Variants in CDC42BPB observed in about 807,000 individuals in gnomAD.
The protein encoded by CDC42BPB is CDC42 binding protein kinase beta.
CDC42BPB carries 37 observed loss-of-function variants against 214.9 expected under a neutral mutation model. The observed-to-expected ratio is 0.17, with a 90% CI of 0.13 to 0.23. The LOEUF (loss-of-function observed/expected upper bound fraction) is 0.23. Among genes scored for constraint, CDC42BPB ranks in the 10% least tolerant of loss-of-function variants. CDC42BPB has a pLI of 1.00. For synonymous variants in CDC42BPB, 931 were observed against 884.0 expected, an observed-to-expected ratio of 1.05 and a Z score of -0.94; for missense variants, 1,694 against 2,227.0, an observed-to-expected ratio of 0.76 and a Z score of 4.82.
intron 1 of CDC42BPB, among the ~76,000 whole-genome samples, chr14:103,017,842 C>T (rs1055296447): frequency 2.6e-5 from 4 of 152,228 alleles, no homozygotes; most frequent in African/African-American, 9.6e-5. Flanking sequence ...TCAGTGGAAT[C>T]TGAAGGTTAG....
chr14:102,945,032 G>C, intron 29 of CDC42BPB: 2 of 306,934 alleles, frequency 6.5e-6, no homozygotes, highest in Non-Finnish European at 6.5e-6. Context: ...CGGCCCCCAG[G>C]CTAACCCAAG....
intron 9 of CDC42BPB, 141 bp downstream of exon 9, chr14:102,977,985 C>T (rs1419452256): frequency 4.7e-6 from 3 of 639,264 alleles, no homozygotes; most frequent in Non-Finnish European, 8.4e-6. Flanking sequence ...AGACCAAAAA[C>T]CCATCTCCAT....
intron 20 of CDC42BPB, among the ~76,000 whole-genome samples, chr14:102,962,253 G>A (rs2139435278): frequency 6.6e-6 from 1 of 152,342 alleles, no homozygotes; most frequent in South Asian, 2.1e-4. Flanking sequence ...TCAGCATGCA[G>A]CAAGAGTGTA....
chr14:102,949,612 A>G (rs1425664025), intron 26 of CDC42BPB, among the ~76,000 whole-genome samples, 153 bp downstream of exon 26: 1 of 152,188 alleles, frequency 6.6e-6, no homozygotes, highest in Non-Finnish European at 1.5e-5. Flanking sequence ...GCCTGAAGTC[A>G]TGACTAAGCT....
chr14:103,045,109 G>C (rs1364578472), intron 1 of CDC42BPB, among the ~76,000 whole-genome samples: 3 of 152,092 alleles, frequency 2.0e-5, no homozygotes, highest in Non-Finnish European at 2.9e-5. Flanking sequence ...TAAACAAAGT[G>C]ATAGACTGAA....
chr14:103,028,858 AAAAC>A, intron 1 of CDC42BPB, among the ~76,000 whole-genome samples: 1 of 152,362 alleles, frequency 6.6e-6, no homozygotes, highest in Middle Eastern at 3.4e-3. Context: ...AGTGACAAGA[AAAAC>A]AAATTCATGC....
At chr14:102,968,899 G>A (rs1350088058) in intron 14 of CDC42BPB, 183 bp from the exon 15 acceptor site, 4 of 985,382 alleles carry the variant, frequency 4.1e-6, no homozygotes, top group Non-Finnish European at 1.2e-6. Context: ...GTCACAGCAG[G>A]AGACGGCCTT....
At position 103,010,336 on chromosome 14, in the gene CDC42BPB, CTT is replaced by C. The variant is rs747602371; in HGVS notation, c.267+1759_267+1760del. ...CCCATCCTGGCCTGTGGTAAATTGA[CTT>C]TGGCTGGTGAGGCCTGGATCCAGGG... On this transcript the variant is annotated intron_variant, in intron 2 of 36. Coordinates refer to ENST00000361246, the MANE Select transcript of CDC42BPB (RefSeq NM_006035.4). 1.2e-3 allele frequency among the ~76,000 whole-genome samples: 187 copies of C among 152,246 alleles called. 1 individual carries two copies. The highest frequency in any genetic ancestry group is 0.01 in the Middle Eastern group (3 of 294).
At chr14:103,029,813 C>T (rs1250822507) in intron 1 of CDC42BPB, among the ~76,000 whole-genome samples, 2 of 135,032 alleles carry the variant, frequency 1.5e-5, no homozygotes, top group Non-Finnish European at 3.1e-5. Context: ...GAGCCGAGAT[C>T]GCGCCACTGC....
chr14:102,933,854 G>C lies in CDC42BPB; in HGVS notation c.5005-11C>G, dbSNP rs776322004. ...GGAGTCCGAATCAGGCTGTGAACAG[G>C]AAGAGGGCAGGGTGAGCACCCGCTG... On this transcript the variant is annotated splice_polypyrimidine_tract_variant and intron_variant, in intron 36 of 36. Transcript: ENST00000361246. The C allele has an allele frequency of 2.6e-6, 4 of 1,515,456 alleles. No individual in the cohort carries two copies. The highest frequency in any genetic ancestry group is 3.5e-6 in the Non-Finnish European group (4 of 1,138,904). 93.9% of individuals were successfully genotyped at this position (1,515,456 alleles called of 1,614,324 possible). A position where few individuals can be genotyped will look rare whatever the true frequency, so the allele number is the denominator to read the frequency against.
intron 3 of CDC42BPB, among the ~76,000 whole-genome samples, chr14:103,005,028 T>G (rs546884151): frequency 6.6e-6 from 1 of 150,908 alleles, no homozygotes; most frequent in African/African-American, 2.4e-5. Flanking sequence ...ATTAGCTGGG[T>G]GTGGTGGTGG....
chr14:102,938,965 C>T (rs926758184), intron 34 of CDC42BPB, among the ~76,000 whole-genome samples: 2 of 148,346 alleles, frequency 1.3e-5, no homozygotes, highest in Admixed American at 1.4e-4. Flanking sequence ...GAGACGGAGT[C>T]TTGCTCTGTC....
chr14:102,972,052 A>T lies in CDC42BPB; in HGVS notation c.1751T>A (p.Met584Lys). ...CTGCTTCTGGGCACGGAGCTCTGCCATGCGCTCGTTCAGCTCCGAGAACTC... is the reference window on the plus strand; with the variant it reads ...CTGCTTCTGGGCACGGAGCTCTGCCTTGCGCTCGTTCAGCTCCGAGAACTC... The part of the protein sequence containing the change: ...LQEFSELNER[M>K]AELRAQKQKV... Residue 584 changes from methionine to lysine, a missense_variant, in exon 13 of 37, where the codon ATG becomes AAG. Met to Lys is a moderately conservative substitution (Grantham distance 95). This residue lies in a region of CDC42BPB where 462 missense variants were observed against 513.5 expected (regional missense o/e 0.90). Coordinates refer to ENST00000361246, the MANE Select transcript of CDC42BPB (RefSeq NM_006035.4). 2.5e-6 allele frequency: 4 copies of T among 1,614,250 alleles called. No individual in the cohort carries two copies. The highest frequency in any genetic ancestry group is 3.4e-6 in the Non-Finnish European group (4 of 1,180,056).
intron 34 of CDC42BPB, 127 bp from the exon 35 acceptor site, chr14:102,938,538 T>C (rs1292059128): frequency 6.3e-6 from 9 of 1,431,112 alleles, no homozygotes; most frequent in Non-Finnish European, 8.2e-6. Flanking sequence ...CCAAGAGGGC[T>C]CTCTGGATTG....
At chr14:103,043,328 T>G (rs181091610) in intron 1 of CDC42BPB, among the ~76,000 whole-genome samples, 8 of 152,240 alleles carry the variant, frequency 5.3e-5, no homozygotes, top group Admixed American at 4.6e-4. Flanking sequence ...ATGAGAGCTG[T>G]CCACACAACG....
rs565864946 is a variant in CDC42BPB at position 102,964,709 on chromosome 14, T to C, written c.2578-59A>G. On this transcript the variant is annotated intron_variant, in intron 18 of 36. Transcript: ENST00000361246. ...TTCAGTTATCCGCTTGTTAAACTAA[T>C]GTTAACAAATAAGTTATCTTTGTCT... The C allele has an allele frequency of 1.5e-3, 2,217 of 1,516,392 alleles. 1 individual carries two copies. Among genetic ancestry groups the C allele is most frequent in the Non-Finnish European group, 1.8e-3 (2,003 of 1,130,038 alleles). The allele number at this position is 1,516,392 out of a possible 1,614,324, so 93.9% of individuals were successfully genotyped here.
chr14:103,039,382 A>C (rs906163021), intron 1 of CDC42BPB, among the ~76,000 whole-genome samples: 4 of 152,134 alleles, frequency 2.6e-5, no homozygotes, highest in Admixed American at 2.6e-4. Context: ...AACAAAATAC[A>C]ATACTAGCAA....
At chr14:102,951,927 C>T (rs1374802304) in intron 24 of CDC42BPB, among the ~76,000 whole-genome samples, 5 of 152,206 alleles carry the variant, frequency 3.3e-5, no homozygotes, top group African/African-American at 7.2e-5. Context: ...AGAACAGCTG[C>T]AGATGATCTA....
chr14:102,974,861 G>C (rs1893664429), intron 11 of CDC42BPB, among the ~76,000 whole-genome samples: 1 of 152,202 alleles, frequency 6.6e-6, no homozygotes, highest in South Asian at 2.1e-4. Flanking sequence ...CAGGAGAATG[G>C]CGTGAACCCA....
Sources: allele counts gnomAD v4.1 joint callset (sites outside exome capture counted in the v4.1 genomes callset), GRCh38; gene constraint gnomAD v4.1.1; regional missense constraint gnomAD v4.1.1; transcripts MANE v1.5; gene names NCBI Gene and HGNC (gene_info 2026-07-23, HGNC 2026-07-21).